Variants in TGFB1 observed in about 807,000 individuals in gnomAD.
TGFB1 encodes transforming growth factor beta 1.
Under a neutral mutation model 43.8 loss-of-function variants are expected in TGFB1, and 19 were observed. The ratio of observed to expected loss-of-function variants is 0.43; its 90% CI spans 0.30 to 0.64. TGFB1 has a LOEUF of 0.64. TGFB1 is among the 30% of genes least tolerant of loss of function. The pLI is 0.11. For missense variants in TGFB1, 445 were observed against 529.8 expected (o/e 0.84, Z 1.57); for synonymous variants, 221 against 236.3 (o/e 0.94, Z 0.60).
In TGFB1 at chr19:41,353,016, G is replaced by GCA. The variant is rs2038232627; in HGVS notation, c.28_29insTG (p.Pro10LeufsTer13). On this transcript the variant is annotated frameshift_variant, in exon 1 of 7. Coordinates refer to ENST00000221930, the MANE Select transcript of TGFB1 (RefSeq NM_000660.7). LOFTEE classifies it high-confidence loss of function. The surrounding 1 kb of genome is among the most constrained non-coding windows in gnomAD (Gnocchi z 5.9). ...TAGCCACAGCAGCGGTAGCAGCAGC[G>GCA]GCAGCAGCCGCAGCCCGGAGGGCGG... The GCA allele has an allele frequency of 2.0e-5, 31 of 1,528,162 alleles. No individual in the cohort carries two copies. Among genetic ancestry groups the GCA allele is most frequent in the African/African-American group, 6.9e-5 (5 of 72,602 alleles). The allele number at this position is 1,528,162 out of a possible 1,614,324, so 94.7% of individuals were successfully genotyped here.
intron 5 of TGFB1, among the ~76,000 whole-genome samples, chr19:41,341,186 G>T: frequency 6.6e-6 from 1 of 151,954 alleles, no homozygotes; most frequent in Admixed American, 6.6e-5. Context: ...AAAAAATTAG[G>T]CCGGGCGCGT....
At chr19:41,338,510 G>A (rs2038015805) in intron 5 of TGFB1, among the ~76,000 whole-genome samples, 4 of 137,036 alleles carry the variant, frequency 2.9e-5, no homozygotes, top group South Asian at 6.0e-4. Flanking sequence ...AAAAAAAAAA[G>A]GGGATATAGG....
At chr19:41,340,312 A>C (rs2038041352) in intron 5 of TGFB1, among the ~76,000 whole-genome samples, 1 of 142,072 alleles carries the variant, frequency 7.0e-6, no homozygotes, top group Non-Finnish European at 1.5e-5. Flanking sequence ...GCCGGAGTGC[A>C]GTGGCGCGAT....
At chr19:41,332,381 C>T in intron 5 of TGFB1, 100 bp from the exon 6 acceptor site, 1 of 1,425,104 alleles carries the variant, frequency 7.0e-7, no homozygotes, top group Non-Finnish European at 9.5e-7. Context: ...AGGTTGCCCC[C>T]CCAGCCCTAT....
At chr19:41,342,582 T>C (rs886198282) in intron 3 of TGFB1, among the ~76,000 whole-genome samples, 1 of 150,420 alleles carries the variant, frequency 6.6e-6, no homozygotes, top group African/African-American at 2.5e-5. Context: ...TGGCGTGATA[T>C]CAGCTCACTG....
At chr19:41,336,451 C>T (rs2037989559) in intron 5 of TGFB1, among the ~76,000 whole-genome samples, 1 of 151,076 alleles carries the variant, frequency 6.6e-6, no homozygotes, top group African/African-American at 2.4e-5. Flanking sequence ...GTGGTGCAAT[C>T]ACAGCTCACT....
Position 41,353,063 on chromosome 19 carries a change from C to A in TGFB1, c.-19G>T. The A allele has an allele frequency of 2.0e-6, 3 of 1,511,464 alleles. No homozygotes were observed. The highest frequency in any genetic ancestry group is 2.6e-6 in the Non-Finnish European group (3 of 1,135,124). 93.6% of individuals were successfully genotyped at this position (1,511,464 alleles called of 1,614,324 possible). A position where few individuals can be genotyped will look rare whatever the true frequency, so the allele number is the denominator to read the frequency against. ...GCGGCATGGGGGAGGCGGCGCCCCC[C>A]GGCACTGCCGAGAGCGCGAACAGGG... On this transcript the variant is annotated 5_prime_UTR_variant, in exon 1 of 7. Transcript: ENST00000221930. The surrounding 1 kb of genome is among the most constrained non-coding windows in gnomAD (Gnocchi z 5.9).
chr19:41,332,049 T>C (rs1304453153), intron 6 of TGFB1, 79 bp downstream of exon 6: 1 of 1,534,354 alleles, frequency 6.5e-7, no homozygotes, highest in East Asian at 2.3e-5. Flanking sequence ...CCTCTCTGAC[T>C]TTACTTCTCT....
intron 5 of TGFB1, among the ~76,000 whole-genome samples, chr19:41,340,242 ACTTT>A (rs1446844695): frequency 3.0e-5 from 4 of 134,522 alleles, no homozygotes; most frequent in African/African-American, 5.4e-5. Flanking sequence ...TCAAACTGAC[ACTTT>A]CTTTCTTTTT....
At chr19:41,331,402 C>T (rs752920428) in intron 6 of TGFB1, among the ~76,000 whole-genome samples, 192 bp from the exon 7 acceptor site, 32 of 151,792 alleles carry the variant, frequency 2.1e-4, no homozygotes, top group Non-Finnish European at 3.7e-4. Context: ...CCCCACCTGT[C>T]TGATTTTCTT....
rs2037940358 is a variant in TGFB1, at chr19:41,332,195, C to T, written c.947G>A (p.Gly316Asp). The T allele has an allele frequency of 6.2e-7, 1 of 1,614,190 alleles. No homozygotes were observed. The highest frequency in any genetic ancestry group is 8.5e-7 in the Non-Finnish European group (1 of 1,180,020). ...CCCGAGGCAGAAGTTGGCATGGTAGCCCTTGGGCTCGTGGATCCACTTCCA... is the reference window on the plus strand; with the variant it reads ...CCCGAGGCAGAAGTTGGCATGGTAGTCCTTGGGCTCGTGGATCCACTTCCA... ...LGWKWIHEPKGYHANFCLGPC... is the reference protein window; with the variant it reads ...LGWKWIHEPKDYHANFCLGPC... Residue 316 changes from glycine (G) to aspartate (D), a missense_variant, in exon 6 of 7, where the codon GGC becomes GAC. By Grantham distance (94) the Gly-to-Asp change is moderately conservative. Around this residue, in one of 3 missense-constraint regions of TGFB1, gnomAD observed 366 missense variants for 428.8 expected, o/e 0.85. Coordinates refer to ENST00000221930, the MANE Select transcript of TGFB1 (RefSeq NM_000660.7).
At chr19:41,350,586 G>A (rs2038177109) in intron 1 of TGFB1, among the ~76,000 whole-genome samples, 1 of 152,174 alleles carries the variant, frequency 6.6e-6, no homozygotes, top group Non-Finnish European at 1.5e-5. Context: ...GGGATTACAG[G>A]CGTGAGCCAC....
Position 41,353,743 on chromosome 19 carries a change from T to C in TGFB1, c.-699A>G, listed in dbSNP as rs1279428950. 6.6e-6 allele frequency: 1 copy of C among 151,934 alleles called. No homozygotes were observed. The highest frequency in any genetic ancestry group is 1.5e-5 in the Non-Finnish European group (1 of 68,354). The allele number at this position is 151,934 out of a possible 1,614,324, so 9.4% of individuals were successfully genotyped here. ...CGTCTCAGACTCTGGGGCCTCAGGC[T>C]GCTCCTCGGCGACTCCTTCCTCCGC... On this transcript the variant is annotated 5_prime_UTR_variant, in exon 1 of 7. Coordinates refer to ENST00000221930, the MANE Select transcript of TGFB1 (RefSeq NM_000660.7). The surrounding 1 kb of genome is among the most constrained non-coding windows in gnomAD (Gnocchi z 5.9).
intron 6 of TGFB1, among the ~76,000 whole-genome samples, 189 bp from the exon 7 acceptor site, chr19:41,331,399 T>C (rs2037929346): frequency 6.6e-6 from 1 of 151,916 alleles, no homozygotes; most frequent in South Asian, 2.1e-4. Flanking sequence ...TCTCCCCACC[T>C]GTCTGATTTT....
At chr19:41,334,182 C>T (rs1280970219) in intron 5 of TGFB1, among the ~76,000 whole-genome samples, 1 of 151,754 alleles carries the variant, frequency 6.6e-6, no homozygotes, top group Non-Finnish European at 1.5e-5. Flanking sequence ...TGAGACCAGC[C>T]TGACCAACAT....
At position 41,352,881 on chromosome 19, in the gene TGFB1, G is replaced by C; in HGVS notation, c.164C>G (p.Ser55Cys). The change falls in exon 1 of 7, where the codon TCC (serine) becomes TGC (cysteine). Residue 55 changes from serine (S) to cysteine (C), a missense_variant. Around this residue, in one of 3 missense-constraint regions of TGFB1, gnomAD observed 366 missense variants for 428.8 expected, o/e 0.85. Transcript: ENST00000221930. Reference sequence around the variant, plus strand: ...CGGGGGGCTGGCGAGCCGCAGCTTGGACAGGATCTGGCCGCGGATGGCCTC... The same window carrying C: ...CGGGGGGCTGGCGAGCCGCAGCTTGCACAGGATCTGGCCGCGGATGGCCTC... ...RIEAIRGQIL[S>C]KLRLASPPSQ... The C allele has an allele frequency of 1.3e-6, 2 of 1,563,930 alleles. No homozygotes were observed. Among genetic ancestry groups the C allele is most frequent in the South Asian group, 1.2e-5 (1 of 86,300 alleles).
At chr19:41,339,550 C>T (rs11466343) in intron 5 of TGFB1, among the ~76,000 whole-genome samples, 5,905 of 151,592 alleles carry the variant, frequency 0.039, 141 homozygotes, top group South Asian at 0.067. Context: ...TGTGGCCGGG[C>T]GCAGTGGTTC....
intron 2 of TGFB1, among the ~76,000 whole-genome samples, chr19:41,346,116 C>T (rs1357329840): frequency 2.0e-5 from 3 of 151,940 alleles, no homozygotes; most frequent in Non-Finnish European, 4.4e-5. Flanking sequence ...TTTGGGAGGC[C>T]GAGGAGGGTG....
At position 41,353,013 on chromosome 19, in the gene TGFB1, A is replaced by T. The variant is rs867906741; in HGVS notation, c.32T>A (p.Leu11Gln). The change falls in exon 1 of 7, where the codon CTG (leucine) becomes CAG (glutamine). Residue 11 changes from leucine (L) to glutamine (Q), a missense_variant. This residue lies in a region of TGFB1 where 366 missense variants were observed against 428.8 expected (regional missense o/e 0.85). Transcript: ENST00000221930. The surrounding 1 kb of genome is among the most constrained non-coding windows in gnomAD (Gnocchi z 5.9). ...CAGTAGCCACAGCAGCGGTAGCAGC[A>T]GCGGCAGCAGCCGCAGCCCGGAGGG... is the stretch of plus-strand genomic sequence containing the variant. MPPSGLRLLP[L>Q]LLPLLWLLVL... is the part of the protein sequence containing the mutation. The T allele has an allele frequency of 4.2e-5, 64 of 1,517,152 alleles. No individual in the cohort carries two copies. The Middle Eastern group carries it at 2.7e-3, about 64-fold the overall frequency. The allele number at this position is 1,517,152 out of a possible 1,614,324, so 94.0% of individuals were successfully genotyped here. A position where few individuals can be genotyped will look rare whatever the true frequency, so the allele number is the denominator to read the frequency against.
Sources: gnomAD v4.1 joint callset for allele counts (sites outside exome capture counted in the v4.1 genomes callset) on GRCh38, gnomAD v4.1.1 for gene constraint, gnomAD v4.1.1 regional missense constraint, Gnocchi (gnomAD v3.1) non-coding constraint, MANE v1.5 for transcripts, NCBI Gene and HGNC (gene_info 2026-07-23, HGNC 2026-07-21) for gene names.